Variants in PKHD1 observed in about 807,000 individuals in gnomAD.
PKHD1 encodes the protein fibrocystin.
PKHD1 carries 291 observed loss-of-function variants against 412.0 expected under a neutral mutation model. The observed-to-expected ratio is 0.71, with a 90% CI of 0.64 to 0.78. The LOEUF (loss-of-function observed/expected upper bound fraction) is 0.78, where lower values mean the gene tolerates loss of function less well. PKHD1 is among the 30% of genes least tolerant of loss of function. The pLI is 0.00. For synonymous variants in PKHD1, 1,777 were observed against 1,821.5 expected (o/e 0.98, Z 0.62); for missense variants, 4,825 against 4,950.7 (o/e 0.97, Z 0.76).
At chr6:51,767,792 T>G (rs1188049272) in intron 55 of PKHD1, among the ~76,000 whole-genome samples, 1 of 152,248 alleles carries the variant, frequency 6.6e-6, no homozygotes, top group East Asian at 1.9e-4. Context: ...TGCATGTGTC[T>G]TTATAGCAGC....
intron 53 of PKHD1, among the ~76,000 whole-genome samples, chr6:51,789,438 T>G (rs1249843821): frequency 1.3e-5 from 2 of 152,102 alleles, no homozygotes; most frequent in African/African-American, 4.8e-5. Context: ...TCCCATATAT[T>G]ATATAATGTT....
intron 37 of PKHD1, 114 bp downstream of exon 37, chr6:51,933,996 C>T (rs1040862662): frequency 2.6e-6 from 2 of 773,712 alleles, no homozygotes; most frequent in South Asian, 2.8e-5. Context: ...GTGCCATGCT[C>T]TAACTGACCT....
chr6:51,952,075 G>T (rs2127887902), intron 36 of PKHD1, among the ~76,000 whole-genome samples: 1 of 152,242 alleles, frequency 6.6e-6, no homozygotes, highest in Middle Eastern at 3.4e-3. Context: ...CTATCTGTCT[G>T]TCTGCCCATC....
chr6:51,963,386 G>A (rs1161743743), intron 35 of PKHD1, among the ~76,000 whole-genome samples: 2 of 152,002 alleles, frequency 1.3e-5, no homozygotes, highest in Non-Finnish European at 2.9e-5. Flanking sequence ...ATTCCCCTTA[G>A]CATAACAAAG....
intron 36 of PKHD1, among the ~76,000 whole-genome samples, chr6:51,957,101 G>A (rs1791267929): frequency 6.6e-6 from 1 of 152,054 alleles, no homozygotes; most frequent in Non-Finnish European, 1.5e-5. Context: ...TATTTCAGAG[G>A]TGGGTGGTTG....
At chr6:51,891,137 C>T (rs1779045233) in intron 43 of PKHD1, among the ~76,000 whole-genome samples, 1 of 152,198 alleles carries the variant, frequency 6.6e-6, no homozygotes, top group Non-Finnish European at 1.5e-5. Flanking sequence ...TTACTTGTAG[C>T]TATTCTCCAT....
intron 39 of PKHD1, among the ~76,000 whole-genome samples, chr6:51,910,362 A>G (rs1782760773): frequency 6.6e-6 from 1 of 152,122 alleles, no homozygotes; most frequent in Non-Finnish European, 1.5e-5. Flanking sequence ...TCAGAATCCA[A>G]TCATTTGCTA....
chr6:51,707,949 G>T (rs772281518), intron 60 of PKHD1, among the ~76,000 whole-genome samples: 7 of 152,022 alleles, frequency 4.6e-5, no homozygotes, highest in Non-Finnish European at 8.8e-5. Flanking sequence ...TTCAACATTG[G>T]GGGGCTCTTA....
At chr6:51,807,725 C>T (rs1303230391) in intron 52 of PKHD1, among the ~76,000 whole-genome samples, 2 of 151,888 alleles carry the variant, frequency 1.3e-5, no homozygotes, top group East Asian at 3.9e-4. Flanking sequence ...ATGTATTTTA[C>T]ATATGGAGTC....
At position 51,836,377 on chromosome 6, in the gene PKHD1, A is replaced by T. The variant is rs762811905; in HGVS notation, c.8173+27T>A. ...TGGAGGACATTCTGCCATACTAGAC[A>T]CTTCTACTTCGTGTGTTAATACTCA... On this transcript the variant is annotated intron_variant, in intron 51 of 66. Transcript: ENST00000371117. 6.1e-6 allele frequency: 9 copies of T among 1,470,262 alleles called. No homozygotes were observed. The African/African-American group carries it at 1.3e-4, about 20-fold the overall frequency. 91.1% of individuals were successfully genotyped at this position (1,470,262 alleles called of 1,614,324 possible). A position where few individuals can be genotyped will look rare whatever the true frequency, so the allele number is the denominator to read the frequency against.
At chr6:51,712,156 A>G (rs1780735423) in intron 60 of PKHD1, among the ~76,000 whole-genome samples, 2 of 152,210 alleles carry the variant, frequency 1.3e-5, no homozygotes, top group African/African-American at 2.4e-5. Context: ...TTTCCTTGCA[A>G]CATCTGCTGT....
chr6:52,082,367 T>C (rs1156427319), intron 4 of PKHD1, 25 bp downstream of exon 4: 2 of 1,610,488 alleles, frequency 1.2e-6, no homozygotes, highest in African/African-American at 1.3e-5. Context: ...TCCTGTCTGG[T>C]CTTCCTATTC....
chr6:51,782,419 C>T (rs1270406516), intron 53 of PKHD1, among the ~76,000 whole-genome samples: 3 of 152,106 alleles, frequency 2.0e-5, no homozygotes, highest in Non-Finnish European at 4.4e-5. Flanking sequence ...ATTAGGGACT[C>T]TCCAAGCACA....
chr6:51,703,529 G>A (rs1364537192), intron 60 of PKHD1, among the ~76,000 whole-genome samples: 1 of 151,912 alleles, frequency 6.6e-6, no homozygotes, highest in African/African-American at 2.4e-5. Context: ...ACAAAATCCA[G>A]ATTATTCAAT....
chr6:51,855,708 A>T (rs1245823932), intron 49 of PKHD1, among the ~76,000 whole-genome samples, 185 bp downstream of exon 49: 4 of 152,236 alleles, frequency 2.6e-5, no homozygotes, highest in African/African-American at 9.6e-5. Flanking sequence ...AAAGCAACCA[A>T]ATCTCATATT....
rs1583471753 is a variant in PKHD1, at chr6:51,939,666, C to T, written c.5909-5344G>A. 1.3e-5 allele frequency among the ~76,000 whole-genome samples: 2 copies of T among 151,668 alleles called. 1 individual carries two copies. The highest frequency in any genetic ancestry group is 3.9e-4 in the East Asian group (2 of 5,180). On this transcript the variant is annotated intron_variant, in intron 36 of 66. Transcript: ENST00000371117. ...CCTGACGTCCAGACATTCTTTTACACATTGTTTCCTCCCTAGTCTCTGTTC... is the reference window on the plus strand; with the variant it reads ...CCTGACGTCCAGACATTCTTTTACATATTGTTTCCTCCCTAGTCTCTGTTC...
intron 60 of PKHD1, among the ~76,000 whole-genome samples, chr6:51,696,430 G>A (rs1778811125): frequency 6.6e-6 from 1 of 152,064 alleles, no homozygotes; most frequent in Non-Finnish European, 1.5e-5. Context: ...ACCCAACTAA[G>A]CAAAAATCTG....
chr6:51,936,444 G>T (rs1458792699), intron 36 of PKHD1, among the ~76,000 whole-genome samples: 1 of 152,170 alleles, frequency 6.6e-6, no homozygotes, highest in Admixed American at 6.5e-5. Context: ...TGCTAATGTA[G>T]TCATAAATCC....
chr6:52,058,216 G>A lies in PKHD1; in HGVS notation c.1512+107C>T, dbSNP rs1293816990. The A allele has an allele frequency of 4.0e-6, 4 of 996,412 alleles. No individual in the cohort carries two copies. In the African/African-American group the frequency reaches 4.8e-5, roughly 12 times the overall value. The allele number at this position is 996,412 out of a possible 1,614,324, so 61.7% of individuals were successfully genotyped here. On this transcript the variant is annotated intron_variant, in intron 16 of 66. Coordinates refer to ENST00000371117, the MANE Select transcript of PKHD1 (RefSeq NM_138694.4). ...AGATATCCTATTTCTTTGACAGCAA[G>A]GTTATAATGACCCCTCAGGTCGCCA...
Sources: allele counts gnomAD v4.1 joint callset (sites outside exome capture counted in the v4.1 genomes callset), GRCh38; gene constraint gnomAD v4.1.1; transcripts MANE v1.5; gene names NCBI Gene and HGNC (gene_info 2026-07-23, HGNC 2026-07-21).